The following ARHGEF12 variants were observed in gnomAD, a reference collection of about 807,000 sequenced individuals.
ARHGEF12 encodes Rho guanine nucleotide exchange factor 12.
A neutral mutation model predicts 211.2 loss-of-function variants in ARHGEF12; 66 were observed. The ratio of observed to expected loss-of-function variants is 0.31; its 90% CI spans 0.26 to 0.38. ARHGEF12 has a LOEUF of 0.38. ARHGEF12 is among the 10% of genes least tolerant of loss of function. ARHGEF12 has a pLI of 1.00. For synonymous variants in ARHGEF12, 592 were observed against 638.4 expected (o/e 0.93, Z 1.09); for missense variants, 1,429 against 1,869.5 (o/e 0.76, Z 4.34).
chr11:120,483,904 G>A (rs1027072214), intron 39 of ARHGEF12, among the ~76,000 whole-genome samples: 56 of 150,122 alleles, frequency 3.7e-4, no homozygotes, highest in African/African-American at 1.3e-3. Flanking sequence ...GTGAGCCACC[G>A]CGCCCAGTCC....
intron 4 of ARHGEF12, among the ~76,000 whole-genome samples, chr11:120,417,344 GA>G (rs1219031442): frequency 1.3e-5 from 2 of 151,932 alleles, no homozygotes; most frequent in Non-Finnish European, 2.9e-5. Flanking sequence ...AATATAGTAT[GA>G]AAAAACGTAT....
At chr11:120,372,666 T>C (rs1252900608) in intron 1 of ARHGEF12, among the ~76,000 whole-genome samples, 1 of 152,184 alleles carries the variant, frequency 6.6e-6, no homozygotes. Flanking sequence ...TTTTTTTCCC[T>C]ATAATTTTTC....
At chr11:120,398,663 AAAG>A (rs1430319836) in intron 1 of ARHGEF12, among the ~76,000 whole-genome samples, 1 of 152,164 alleles carries the variant, frequency 6.6e-6, no homozygotes, top group East Asian at 1.9e-4. Context: ...GCACTTGTGA[AAAG>A]AAGTCTCTTT....
At chr11:120,358,946 A>G (rs1219519239) in intron 1 of ARHGEF12, among the ~76,000 whole-genome samples, 2 of 152,088 alleles carry the variant, frequency 1.3e-5, no homozygotes, top group East Asian at 1.9e-4. Flanking sequence ...TCCATTTCCA[A>G]GGTGACTTAC....
At chr11:120,474,912 G>A (rs1946984421) in intron 32 of ARHGEF12, among the ~76,000 whole-genome samples, 3 of 152,064 alleles carry the variant, frequency 2.0e-5, no homozygotes, top group Admixed American at 2.0e-4. Context: ...GCTTTCTTTA[G>A]ACCAGTACAT....
At chr11:120,425,817 A>G (rs1015315603) in intron 7 of ARHGEF12, among the ~76,000 whole-genome samples, 6 of 151,936 alleles carry the variant, frequency 3.9e-5, no homozygotes, top group African/African-American at 1.4e-4. Flanking sequence ...TTTTTAAAAA[A>G]GGAATTAAAA....
In ARHGEF12 at chr11:120,487,374, C is replaced by G. The variant is rs914291468; in HGVS notation, c.*2297C>G. ...TTCATATCTAGATTTTCAAACAAAG[C>G]CCCAAGATGAAGTCTAATTCTGAAA... On this transcript the variant is annotated 3_prime_UTR_variant, in exon 41 of 41. Transcript: ENST00000397843. 3 of 218,942 alleles carry G rather than the reference C, an allele frequency of 1.4e-5. No individual in the cohort carries two copies. The highest frequency in any genetic ancestry group is 2.7e-5 in the Non-Finnish European group (3 of 109,228). 13.6% of individuals were successfully genotyped at this position (218,942 alleles called of 1,614,324 possible).
chr11:120,373,485 A>G (rs1251476316), intron 1 of ARHGEF12, among the ~76,000 whole-genome samples: 1 of 152,218 alleles, frequency 6.6e-6, no homozygotes, highest in Non-Finnish European at 1.5e-5. Flanking sequence ...TGTTCCCAAC[A>G]CCTAGAACAG....
At chr11:120,421,455 T>TTTTTTTTTTTTTTTTTTTTTTTTTG (rs1555109035) in intron 5 of ARHGEF12, among the ~76,000 whole-genome samples, 1 of 99,926 alleles carries the variant, frequency 1.0e-5, no homozygotes. Context: ...TTTTTTTTTT[T>TTTTTTTTTTTTTTTTTTTTTTTTTG]GGAGATGGAG....
intron 30 of ARHGEF12, among the ~76,000 whole-genome samples, chr11:120,472,391 G>A (rs568409213): frequency 1.3e-5 from 2 of 152,232 alleles, no homozygotes; most frequent in South Asian, 4.2e-4. Flanking sequence ...AGGGAAAATT[G>A]AGGGGGGTGG....
intron 1 of ARHGEF12, among the ~76,000 whole-genome samples, chr11:120,344,609 C>T (rs1415430966): frequency 6.6e-6 from 1 of 152,142 alleles, no homozygotes; most frequent in African/African-American, 2.4e-5. Flanking sequence ...AGCCTATTTC[C>T]TGTTTTATTG....
intron 4 of ARHGEF12, chr11:120,411,785 A>C (rs1317878363): frequency 4.7e-5 from 7 of 149,122 alleles, no homozygotes; most frequent in Non-Finnish European, 4.5e-5. Flanking sequence ...TTTTTAATAG[A>C]GATGAGGTTG....
intron 3 of ARHGEF12, 65 bp from the exon 4 acceptor site, chr11:120,409,329 A>G (rs1944812973): frequency 6.5e-7 from 1 of 1,527,014 alleles, no homozygotes; most frequent in Non-Finnish European, 9.0e-7. Flanking sequence ...TTCCCCATGA[A>G]TTTTTCCCCT....
intron 36 of ARHGEF12, 91 bp from the exon 37 acceptor site, chr11:120,478,062 GTTT>G: frequency 1.5e-6 from 1 of 661,848 alleles, no homozygotes. Context: ...TTTATGGATT[GTTT>G]TTTTTTTTTC....
chr11:120,454,470 A>G (rs1176386489), intron 22 of ARHGEF12, among the ~76,000 whole-genome samples: 1 of 152,212 alleles, frequency 6.6e-6, no homozygotes, highest in Non-Finnish European at 1.5e-5. Flanking sequence ...TTTTAATACA[A>G]CTATTAAACA....
rs951514826 is a variant in ARHGEF12 at position 120,475,403 on chromosome 11, T to C, written c.3173T>C (p.Val1058Ala). The C allele has an allele frequency of 6.2e-7, 1 of 1,613,892 alleles. No individual in the cohort carries two copies. Among genetic ancestry groups the C allele is most frequent in the African/African-American group, 1.3e-5 (1 of 74,888 alleles). The change falls in exon 33 of 41, where the codon GTT becomes GCT. Residue 1058 changes from valine (V) to alanine (A), a missense_variant. Coordinates refer to ENST00000397843, the MANE Select transcript of ARHGEF12 (RefSeq NM_015313.3). ...TTACAAAAGCAGGATGATAGACTGG[T>C]TTTAAGGTGTCATAGTAAGATTCTG... ...VLLQKQDDRL[V>A]LRCHSKILAS...
intron 4 of ARHGEF12, chr11:120,411,322 T>C (rs1944874195): frequency 6.6e-6 from 1 of 152,172 alleles, no homozygotes; most frequent in Non-Finnish European, 1.5e-5. Context: ...ACAAATATTT[T>C]ATCACCTGTG....
At chr11:120,447,115 C>T (rs1946069141) in intron 18 of ARHGEF12, 30 bp downstream of exon 18, 1 of 1,607,154 alleles carries the variant, frequency 6.2e-7, no homozygotes, top group Non-Finnish European at 8.5e-7. Context: ...GTGGAAATGC[C>T]CTCTCTGCTG....
rs761087901 is a variant in ARHGEF12, at chr11:120,485,125, G to A, written c.*48G>A. On this transcript the variant is annotated 3_prime_UTR_variant, in exon 41 of 41. Transcript: ENST00000397843. ...TGCAGGTTGTTGGATTTGGAGTATC[G>A]GCCGTGTCTCACCACATCCTGGCTC... is the stretch of plus-strand genomic sequence containing the variant. 19 of 1,611,022 alleles carry A rather than the reference G, an allele frequency of 1.2e-5. 1 individual carries two copies. In the Admixed American group the frequency reaches 2.0e-4, roughly 17 times the overall value.
Sources: allele counts gnomAD v4.1 joint callset (sites outside exome capture counted in the v4.1 genomes callset), GRCh38; gene constraint gnomAD v4.1.1; transcripts MANE v1.5; gene names NCBI Gene and HGNC (gene_info 2026-07-23, HGNC 2026-07-21).